The following FGF12 variants were observed in gnomAD, a reference collection of about 807,000 sequenced individuals.
FGF12 encodes the protein fibroblast growth factor 12B.
In FGF12, 14 loss-of-function variants were observed where a neutral mutation model predicts 23.6. The ratio of observed to expected loss-of-function variants is 0.59; its 90% CI spans 0.39 to 0.93. The LOEUF is 0.93. Ranked by LOEUF, FGF12 falls within the 40% of genes least tolerant of loss-of-function variation. The pLI, the probability that FGF12 is intolerant of heterozygous loss-of-function variation, is 0.00. For missense variants in FGF12, 175 were observed against 217.8 expected (o/e 0.80, Z 1.24); for synonymous variants, 62 against 77.3 (o/e 0.80, Z 1.04).
At position 192,149,130 on chromosome 3, in the gene FGF12, T is replaced by TTA. The variant is rs1272856085; in HGVS notation, c.428-5004_428-5003insTA. 2.8e-4 allele frequency among the ~76,000 whole-genome samples: 42 copies of TTA among 152,290 alleles called. 3 individuals carry two copies. In the South Asian group the frequency reaches 8.7e-3, roughly 32 times the overall value. On this transcript the variant is annotated intron_variant, in intron 5 of 5. Transcript: ENST00000445105. ...ATACTTAGTTAATTAAGTGATATGA[T>TTA]AGCAAATGAAGAGTTAACGTCCATC...
chr3:192,580,948 G>C (rs1713108955), intron 2 of FGF12, among the ~76,000 whole-genome samples: 1 of 152,186 alleles, frequency 6.6e-6, no homozygotes, highest in Non-Finnish European at 1.5e-5. Flanking sequence ...GATTTAATTT[G>C]AAGTAGATTT....
intron 2 of FGF12, among the ~76,000 whole-genome samples, chr3:192,416,123 C>T (rs1441101057): frequency 6.6e-6 from 1 of 152,090 alleles, no homozygotes; most frequent in Non-Finnish European, 1.5e-5. Context: ...GCACCAGACA[C>T]TGTGAAAGTA....
At chr3:192,429,295 A>T (rs542907478) in intron 2 of FGF12, among the ~76,000 whole-genome samples, 1 of 152,242 alleles carries the variant, frequency 6.6e-6, no homozygotes, top group African/African-American at 2.4e-5. Flanking sequence ...CTTGTGAAGG[A>T]TCACTCAAAG....
At chr3:192,313,086 T>G (rs1716044361) in intron 4 of FGF12, among the ~76,000 whole-genome samples, 1 of 152,200 alleles carries the variant, frequency 6.6e-6, no homozygotes, top group Non-Finnish European at 1.5e-5. Flanking sequence ...CTGTCGAAAT[T>G]AGTTTCCTCT....
rs183944513 is a variant in FGF12, at chr3:192,484,737, G to A, written c.14-124199C>T. Reference sequence around the variant, plus strand: ...AGGCCCACATTGCACAGGCCCAAAGGGCACTATTTCCATTGTATTTATATG... The same window carrying A: ...AGGCCCACATTGCACAGGCCCAAAGAGCACTATTTCCATTGTATTTATATG... On this transcript the variant is annotated intron_variant, in intron 2 of 5. Coordinates refer to ENST00000445105, the MANE Select transcript of FGF12 (RefSeq NM_004113.6). 9.2e-4 allele frequency among the ~76,000 whole-genome samples: 140 copies of A among 152,142 alleles called. 1 individual carries two copies. The highest frequency in any genetic ancestry group is 1.6e-4 in the Non-Finnish European group (11 of 68,002).
chr3:192,453,040 T>C (rs1722573710), intron 2 of FGF12, among the ~76,000 whole-genome samples: 1 of 152,244 alleles, frequency 6.6e-6, no homozygotes. Context: ...TGTCCTTTCG[T>C]TCTGGGACTC....
chr3:192,443,927 C>T (rs1164252608), intron 2 of FGF12, among the ~76,000 whole-genome samples: 1 of 152,118 alleles, frequency 6.6e-6, no homozygotes, highest in Non-Finnish European at 1.5e-5. Flanking sequence ...GAAGCACTGG[C>T]GCTGCAAGGT....
intron 5 of FGF12, among the ~76,000 whole-genome samples, chr3:192,158,811 G>A (rs540179497): frequency 7.8e-4 from 119 of 151,896 alleles, no homozygotes; most frequent in Non-Finnish European, 1.3e-3. Flanking sequence ...GATGAGAAAT[G>A]TTTTCATGGC....
intron 2 of FGF12, among the ~76,000 whole-genome samples, chr3:192,699,502 A>G (rs1718227870): frequency 6.6e-6 from 1 of 152,208 alleles, no homozygotes; most frequent in African/African-American, 2.4e-5. Context: ...ATTTTATAAA[A>G]GAAGAGCACA....
intron 2 of FGF12, among the ~76,000 whole-genome samples, chr3:192,458,442 T>A (rs1722750486): frequency 6.6e-6 from 1 of 152,216 alleles, no homozygotes; most frequent in African/African-American, 2.4e-5. Flanking sequence ...ACCTCTTGCA[T>A]CAGTGTGACC....
chr3:192,581,950 G>C (rs1201539016), intron 2 of FGF12, among the ~76,000 whole-genome samples: 1 of 152,128 alleles, frequency 6.6e-6, no homozygotes, highest in African/African-American at 2.4e-5. Context: ...TGTCCTGATA[G>C]ACTCAATGTT....
intron 2 of FGF12, among the ~76,000 whole-genome samples, chr3:192,429,077 C>A (rs1721774530): frequency 6.6e-6 from 1 of 152,050 alleles, no homozygotes; most frequent in Non-Finnish European, 1.5e-5. Flanking sequence ...CTACTCACCC[C>A]AAACACCTAG....
intron 4 of FGF12, among the ~76,000 whole-genome samples, chr3:192,209,518 A>G (rs1011998330): frequency 5.9e-5 from 9 of 152,352 alleles, no homozygotes; most frequent in African/African-American, 2.2e-4. Flanking sequence ...TCAAAAGAGA[A>G]TGTATTCTTG....
intron 5 of FGF12, among the ~76,000 whole-genome samples, chr3:192,158,133 A>AC (rs1714534907): frequency 1.3e-5 from 2 of 152,126 alleles, no homozygotes; most frequent in African/African-American, 4.8e-5. Context: ...CAAAACCTTG[A>AC]CCCCAAACCT....
At position 192,181,840 on chromosome 3, in the gene FGF12, A is replaced by G. The variant is rs981812203; in HGVS notation, c.229-11184T>C. Reference sequence around the variant, plus strand: ...GAGACAGGGTTTTGCTGTGTTCCCCAGGCTGGTTTCGAACTCCTGGGATCA... The same window carrying G: ...GAGACAGGGTTTTGCTGTGTTCCCCGGGCTGGTTTCGAACTCCTGGGATCA... On this transcript the variant is annotated intron_variant, in intron 4 of 5. Coordinates refer to ENST00000445105, the MANE Select transcript of FGF12 (RefSeq NM_004113.6). Among the ~76,000 whole-genome samples, 18 of 151,744 alleles carry G rather than the reference A, an allele frequency of 1.2e-4. No individual in the cohort carries two copies. In the South Asian group the frequency reaches 1.3e-3, roughly 11 times the overall value.
chr3:192,155,320 G>A lies in FGF12; in HGVS notation c.428-11193C>T, dbSNP rs150310353. The stretch of plus-strand genomic sequence containing the variant: ...CTGTAGACCGGAGCTGTTCCTATTC[G>A]GCCGTCTTTCAGCATTTGAAACTTT... On this transcript the variant is annotated intron_variant, in intron 5 of 5. Coordinates refer to ENST00000445105, the MANE Select transcript of FGF12 (RefSeq NM_004113.6). 7.0e-3 allele frequency among the ~76,000 whole-genome samples: 1,065 copies of A among 152,258 alleles called. 12 individuals carry two copies. Among genetic ancestry groups the A allele is most frequent in the African/African-American group, 0.025 (1,033 of 41,552 alleles).
intron 2 of FGF12, among the ~76,000 whole-genome samples, chr3:192,386,496 T>G (rs147904291): frequency 2.0e-5 from 3 of 152,158 alleles, no homozygotes; most frequent in African/African-American, 4.8e-5. Context: ...CAAAACAGCA[T>G]TCAAATTCCA....
intron 2 of FGF12, among the ~76,000 whole-genome samples, chr3:192,707,425 A>T (rs1485392590): frequency 3.9e-5 from 6 of 152,134 alleles, no homozygotes; most frequent in Admixed American, 1.3e-4. Flanking sequence ...AATAATAATA[A>T]AGAATCATGC....
intron 2 of FGF12, among the ~76,000 whole-genome samples, chr3:192,660,503 AG>A (rs1449641785): frequency 6.6e-6 from 1 of 151,274 alleles, no homozygotes; most frequent in Admixed American, 6.6e-5. Flanking sequence ...TAGAACTTAA[AG>A]TATAAAAAAA....
Sources: allele counts gnomAD v4.1 joint callset (sites outside exome capture counted in the v4.1 genomes callset), GRCh38; gene constraint gnomAD v4.1.1; transcripts MANE v1.5; gene names NCBI Gene and HGNC (gene_info 2026-07-23, HGNC 2026-07-21).